Variants in FYTTD1 observed in about 807,000 individuals in gnomAD.
FYTTD1 encodes forty-two-three domain containing 1.
A neutral mutation model predicts 40.9 loss-of-function variants in FYTTD1; 22 were observed. The ratio of observed to expected loss-of-function variants is 0.54; its 90% CI spans 0.38 to 0.77. The LOEUF (loss-of-function observed/expected upper bound fraction) is 0.77. Among genes scored for constraint, FYTTD1 ranks in the 30% least tolerant of loss-of-function variants. The probability of loss-of-function intolerance (pLI) is 0.00; values close to 1 mark genes in which losing one functional copy is unlikely to be tolerated. For missense variants in FYTTD1, 351 were observed against 392.2 expected, an observed-to-expected ratio of 0.90 and a Z score of 0.89; for synonymous variants, 140 against 137.9, an observed-to-expected ratio of 1.01 and a Z score of -0.10.
chr3:197,766,682 A>T (rs1034833057), intron 2 of FYTTD1, among the ~76,000 whole-genome samples: 2 of 151,940 alleles, frequency 1.3e-5, no homozygotes, highest in African/African-American at 4.8e-5. Context: ...GGCTCAAGCA[A>T]TCCATCCTTC....
rs1730124359 is a variant in FYTTD1 at position 197,785,013 on chromosome 3, A to G, written c.*3104A>G. On this transcript the variant is annotated 3_prime_UTR_variant, in exon 9 of 9. Transcript: ENST00000241502. ...TGGTGAATTAACACCCACAGAAAAT[A>G]GTGGAATGGTGTGTGGTTTTCAAAT... is the stretch of plus-strand genomic sequence containing the variant. 1 of 152,188 alleles carries G rather than the reference A, an allele frequency of 6.6e-6. No individual in the cohort carries two copies. Among genetic ancestry groups the G allele is most frequent in the Non-Finnish European group, 1.5e-5 (1 of 68,032 alleles). 9.4% of individuals were successfully genotyped at this position (152,188 alleles called of 1,614,324 possible). A position where few individuals can be genotyped will look rare whatever the true frequency, so the allele number is the denominator to read the frequency against.
In FYTTD1 at chr3:197,784,635, TACAG is replaced by T. The variant is rs928346504; in HGVS notation, c.*2730_*2733del. The T allele has an allele frequency of 3.9e-5, 6 of 152,002 alleles. No individual in the cohort carries two copies. Among genetic ancestry groups the T allele is most frequent in the African/African-American group, 1.4e-4 (6 of 41,390 alleles). The allele number at this position is 152,002 out of a possible 1,614,324, so 9.4% of individuals were successfully genotyped here. A position where few individuals can be genotyped will look rare whatever the true frequency, so the allele number is the denominator to read the frequency against. Reference sequence around the variant, plus strand: ...AGGGAGACTCTATCTTTACTAAAAATACAGACATTAGCTGGTGTGGTGACATGTG... The same window carrying T: ...AGGGAGACTCTATCTTTACTAAAAATACATTAGCTGGTGTGGTGACATGTG... On this transcript the variant is annotated 3_prime_UTR_variant, in exon 9 of 9. Transcript: ENST00000241502.
chr3:197,779,438 T>G (rs1729961108), intron 8 of FYTTD1, among the ~76,000 whole-genome samples: 1 of 151,510 alleles, frequency 6.6e-6, no homozygotes, highest in African/African-American at 2.4e-5. Flanking sequence ...CAAAACCACA[T>G]TGACAATTTT....
At chr3:197,760,199 T>TTGTTCCTCAGTGGTACAACGTATTGAG (rs137989586) in intron 2 of FYTTD1, among the ~76,000 whole-genome samples, 10,036 of 151,462 alleles carry the variant, frequency 0.066, 720 homozygotes, top group African/African-American at 0.18. Context: ...ACATATCGAG[T>TTGTTCCTCAGTGGTACAACGTATTGAG]TGTTCCTCAG....
rs773318207 is a variant in FYTTD1, at chr3:197,756,379, A to AAGG, written c.104-47_104-46insAGG. ...ATCAGCTAGAAAACGAAACTGAGTA[A>AAGG]TTGAGTTAAGTTAAAATGAAAATAA... On this transcript the variant is annotated intron_variant, in intron 1 of 8. Coordinates refer to ENST00000241502, the MANE Select transcript of FYTTD1 (RefSeq NM_032288.7). The AAGG allele has an allele frequency of 3.5e-6, 5 of 1,438,662 alleles. No homozygotes were observed. The South Asian group carries it at 3.5e-5, about 10-fold the overall frequency. The allele number at this position is 1,438,662 out of a possible 1,614,324, so 89.1% of individuals were successfully genotyped here.
chr3:197,773,519 G>A lies in FYTTD1; in HGVS notation c.594+20G>A, dbSNP rs1189250206. Reference sequence around the variant, plus strand: ...CTGAAGGTATTTAAAAACTTTGGCAGTGTTTTTGTTTGTTTGTTTGTTTTT... The same window carrying A: ...CTGAAGGTATTTAAAAACTTTGGCAATGTTTTTGTTTGTTTGTTTGTTTTT... On this transcript the variant is annotated intron_variant, in intron 5 of 8. Coordinates refer to ENST00000241502, the MANE Select transcript of FYTTD1 (RefSeq NM_032288.7). 5.6e-6 allele frequency: 6 copies of A among 1,078,672 alleles called. No individual in the cohort carries two copies. The highest frequency in any genetic ancestry group is 2.1e-4 in the Middle Eastern group (1 of 4,852). The allele number at this position is 1,078,672 out of a possible 1,614,324, so 66.8% of individuals were successfully genotyped here. A position where few individuals can be genotyped will look rare whatever the true frequency, so the allele number is the denominator to read the frequency against.
intron 1 of FYTTD1, among the ~76,000 whole-genome samples, chr3:197,753,900 C>A (rs1030874086): frequency 6.6e-6 from 1 of 152,028 alleles, no homozygotes; most frequent in Admixed American, 6.6e-5. Context: ...CCGCCACACC[C>A]GGCTAATTTT....
rs146559911 is a variant in FYTTD1 at position 197,783,613 on chromosome 3, A to G, written c.*1704A>G. 39 of 152,786 alleles carry G rather than the reference A, an allele frequency of 2.6e-4. No homozygotes were observed. The highest frequency in any genetic ancestry group is 8.4e-4 in the African/African-American group (35 of 41,584). The allele number at this position is 152,786 out of a possible 1,614,324, so 9.5% of individuals were successfully genotyped here. ...CTATTTGATGCTTTTCATATAGGCC[A>G]AGAACTCATTGCAAAACATTTTTGC... On this transcript the variant is annotated 3_prime_UTR_variant, in exon 9 of 9. Transcript: ENST00000241502.
At position 197,775,554 on chromosome 3, in the gene FYTTD1, C is replaced by A. The variant is rs182027139; in HGVS notation, c.656+1344C>A. Among the ~76,000 whole-genome samples, 202 of 152,118 alleles carry A rather than the reference C, an allele frequency of 1.3e-3. 1 individual carries two copies. Among genetic ancestry groups the A allele is most frequent in the Admixed American group, 3.5e-3 (54 of 15,292 alleles). ...AATCCTCAGATACTCAAGTCCCTTACAATCGGCCCTCCATATCCGTGGATT... is the reference window on the plus strand; with the variant it reads ...AATCCTCAGATACTCAAGTCCCTTAAAATCGGCCCTCCATATCCGTGGATT... On this transcript the variant is annotated intron_variant, in intron 6 of 8. Coordinates refer to ENST00000241502, the MANE Select transcript of FYTTD1 (RefSeq NM_032288.7).
chr3:197,768,399 T>C, intron 2 of FYTTD1, 40 bp from the exon 3 acceptor site: 1 of 1,470,872 alleles, frequency 6.8e-7, no homozygotes, highest in Non-Finnish European at 9.2e-7. Flanking sequence ...CCAATTGAAT[T>C]GTTAAATTGA....
chr3:197,765,588 G>A (rs996148839), intron 2 of FYTTD1, among the ~76,000 whole-genome samples: 2 of 152,074 alleles, frequency 1.3e-5, no homozygotes, highest in South Asian at 2.1e-4. Flanking sequence ...TAAGCCAGCC[G>A]TGGTGGCTCA....
chr3:197,778,413 A>G lies in FYTTD1; in HGVS notation c.807A>G (p.Lys269=). 1 of 1,611,602 alleles carries G rather than the reference A, an allele frequency of 6.2e-7. No individual in the cohort carries two copies. The highest frequency in any genetic ancestry group is 8.5e-7 in the Non-Finnish European group (1 of 1,177,986). Reference sequence around the variant, plus strand: ...AGCGGGAGCAAAGTGACGTCAAGAAAGTTCCTAAAGGTGTTCCCCTGCAGT... The same window carrying G: ...AGCGGGAGCAAAGTGACGTCAAGAAGGTTCCTAAAGGTGTTCCCCTGCAGT... The part of the protein sequence containing the change: ...LTKREQSDVK[K]VPKGVPLQFD... Residue 269 remains lysine (K), a synonymous_variant, in exon 8 of 9, where the codon AAA becomes AAG. Transcript: ENST00000241502.
intron 1 of FYTTD1, among the ~76,000 whole-genome samples, chr3:197,752,455 A>G (rs1038212109): frequency 1.3e-5 from 2 of 152,200 alleles, no homozygotes; most frequent in Admixed American, 6.5e-5. Context: ...TTCCACATAC[A>G]CTATATATAT....
intron 1 of FYTTD1, among the ~76,000 whole-genome samples, chr3:197,752,374 GA>G (rs1453835352): frequency 1.3e-5 from 2 of 152,150 alleles, no homozygotes; most frequent in African/African-American, 4.8e-5. Context: ...TAGGGTTGCT[GA>G]AAACATTAAA....
chr3:197,754,667 CTTT>C (rs545875999), intron 1 of FYTTD1, among the ~76,000 whole-genome samples: 2 of 124,366 alleles, frequency 1.6e-5, no homozygotes, highest in Admixed American at 8.1e-5. Flanking sequence ...TTTTTTCTTT[CTTT>C]TTTTTTTTTT....
intron 2 of FYTTD1, among the ~76,000 whole-genome samples, chr3:197,759,126 G>A (rs924101498): frequency 6.6e-5 from 10 of 151,976 alleles, no homozygotes; most frequent in African/African-American, 2.4e-4. Flanking sequence ...TGTATAGAGT[G>A]TTCTTCAGTG....
At chr3:197,753,643 T>C (rs6786763) in intron 1 of FYTTD1, among the ~76,000 whole-genome samples, 5,717 of 152,284 alleles carry the variant, frequency 0.038, 380 homozygotes, top group African/African-American at 0.13. Context: ...ATTTGACTTA[T>C]TTGAAGATAT....
At chr3:197,775,774 A>G (rs1729857963) in intron 6 of FYTTD1, among the ~76,000 whole-genome samples, 1 of 152,204 alleles carries the variant, frequency 6.6e-6, no homozygotes, top group Non-Finnish European at 1.5e-5. Context: ...GACATTAGAA[A>G]CCATGGGGAA....
At chr3:197,772,862 A>G (rs654260) in intron 4 of FYTTD1, among the ~76,000 whole-genome samples, 113,721 of 152,030 alleles carry the variant, frequency 0.75, 44,926 homozygotes, top group East Asian at 0.99. Flanking sequence ...ACTCACCTCA[A>G]CCTCCCAAAG....
Sources: gnomAD v4.1 joint callset for allele counts (sites outside exome capture counted in the v4.1 genomes callset) on GRCh38, gnomAD v4.1.1 for gene constraint, MANE v1.5 for transcripts, NCBI Gene and HGNC (gene_info 2026-07-23, HGNC 2026-07-21) for gene names.